Variants in OSMR observed in about 807,000 individuals in gnomAD.
The protein encoded by OSMR is oncostatin M receptor, also known as oncostatin-M-specific receptor subunit beta.
In OSMR, 81 loss-of-function variants were observed where a neutral mutation model predicts 99.9. The ratio of observed to expected loss-of-function variants is 0.81; its 90% CI spans 0.68 to 0.97. The LOEUF (loss-of-function observed/expected upper bound fraction) is 0.97. Among genes scored for constraint, OSMR ranks in the 50% least tolerant of loss-of-function variants. The pLI, the probability that OSMR is intolerant of heterozygous loss-of-function variation, is 0.00. For missense variants in OSMR, 1,099 were observed against 1,153.4 expected, an observed-to-expected ratio of 0.95 and a Z score of 0.68; for synonymous variants, 406 against 410.4, an observed-to-expected ratio of 0.99 and a Z score of 0.13.
At chr5:38,910,915 CAGG>C (rs909083379) in intron 9 of OSMR, among the ~76,000 whole-genome samples, 3 of 152,130 alleles carry the variant, frequency 2.0e-5, no homozygotes, top group African/African-American at 4.8e-5. Context: ...GAGGCTGAGG[CAGG>C]AGAATTGCTG....
At chr5:38,916,262 A>T (rs1745892184) in intron 9 of OSMR, among the ~76,000 whole-genome samples, 1 of 152,086 alleles carries the variant, frequency 6.6e-6, no homozygotes, top group African/African-American at 2.4e-5. Context: ...CATTGCTGAG[A>T]TTTTTTTTAA....
chr5:38,876,191 A>T lies in OSMR; in HGVS notation c.74-10A>T. The T allele has an allele frequency of 6.2e-7, 1 of 1,608,702 alleles. No homozygotes were observed. The highest frequency in any genetic ancestry group is 8.5e-7 in the Non-Finnish European group (1 of 1,175,288). ...AAATATTATTTCATACTTCATTTTG[A>T]TCTTTTCAGTCTTGGCTGAACGTTT... On this transcript the variant is annotated splice_polypyrimidine_tract_variant and intron_variant, in intron 2 of 17. Transcript: ENST00000274276.
intron 1 of OSMR, among the ~76,000 whole-genome samples, chr5:38,849,477 T>C (rs1740184403): frequency 6.6e-6 from 1 of 151,140 alleles, no homozygotes; most frequent in Non-Finnish European, 1.5e-5. Context: ...TGTTTGTTTT[T>C]CCCTAAACCA....
chr5:38,933,379 C>T lies in OSMR; in HGVS notation c.2875C>T (p.Pro959Ser). Reference protein sequence around the residue: ...MAVSLRLALPPPTENSSLSSI... With the variant: ...MAVSLRLALPSPTENSSLSSI... Reference sequence around the variant, plus strand: ...AGTCTCCCTGCGTCTTGCCTTGCCTCCCCCGACCGAGAATAGCAGCCTCTC... The same window carrying T: ...AGTCTCCCTGCGTCTTGCCTTGCCTTCCCCGACCGAGAATAGCAGCCTCTC... Residue 959 changes from proline (P) to serine (S), a missense_variant, in exon 18 of 18, where the codon CCC becomes TCC. Physicochemically the swap from Pro to Ser is moderately conservative, Grantham distance 74. Coordinates refer to ENST00000274276, the MANE Select transcript of OSMR (RefSeq NM_003999.3). 6.2e-7 allele frequency: 1 copy of T among 1,613,998 alleles called. No homozygotes were observed. Among genetic ancestry groups the T allele is most frequent in the Non-Finnish European group, 8.5e-7 (1 of 1,179,884 alleles).
intron 3 of OSMR, among the ~76,000 whole-genome samples, chr5:38,879,547 C>A (rs1372992147): frequency 6.6e-6 from 1 of 151,640 alleles, no homozygotes; most frequent in African/African-American, 2.4e-5. Flanking sequence ...GACTTGTTGG[C>A]ATTAGAGCGA....
intron 11 of OSMR, chr5:38,919,464 AGT>A: frequency 1.4e-6 from 1 of 720,788 alleles, no homozygotes; most frequent in Non-Finnish European, 2.0e-6. Context: ...ACCTGGAAAG[AGT>A]CCATGAACAT....
intron 1 of OSMR, among the ~76,000 whole-genome samples, chr5:38,861,601 G>T (rs1741321444): frequency 1.3e-5 from 2 of 152,274 alleles, no homozygotes; most frequent in East Asian, 3.9e-4. Context: ...AACCGCCATT[G>T]TCATCCCGGC....
Position 38,857,334 on chromosome 5 carries a change from A to G in OSMR, c.-14+10947A>G, listed in dbSNP as rs371787025. On this transcript the variant is annotated intron_variant, in intron 1 of 17. Transcript: ENST00000274276. ...ATGATATGAATGTGAAGAGGATGAT[A>G]TACTAAGCCCACAGAATATAAGGGA... 4.1e-4 allele frequency among the ~76,000 whole-genome samples: 62 copies of G among 152,334 alleles called. 2 individuals carry two copies. The South Asian group carries it at 0.013, about 31-fold the overall frequency.
chr5:38,871,970 G>T (rs904914176), intron 2 of OSMR, among the ~76,000 whole-genome samples: 4 of 152,096 alleles, frequency 2.6e-5, no homozygotes, highest in Admixed American at 2.0e-4. Context: ...TTAAGTCCTG[G>T]TCTGATTCCC....
chr5:38,853,098 T>C (rs1483515878), intron 1 of OSMR, among the ~76,000 whole-genome samples: 1 of 152,226 alleles, frequency 6.6e-6, no homozygotes, highest in African/African-American at 2.4e-5. Flanking sequence ...TCTTTATCAT[T>C]CTTCACCCTC....
At chr5:38,862,254 T>C (rs867452799) in intron 1 of OSMR, among the ~76,000 whole-genome samples, 25 of 71,908 alleles carry the variant, frequency 3.5e-4, no homozygotes, top group Admixed American at 5.2e-4. Context: ...GCTGACCCCC[T>C]ACCTCCCTCC....
At position 38,861,948 on chromosome 5, in the gene OSMR, C is replaced by T. The variant is rs1313019592; in HGVS notation, c.-13-7084C>T. ...CTGACCCCCCCACCTCCCACCCGGA[C>T]GGGGTGGCTGGCCGGGCGGGGGACT... On this transcript the variant is annotated intron_variant, in intron 1 of 17. Coordinates refer to ENST00000274276, the MANE Select transcript of OSMR (RefSeq NM_003999.3). 2.0e-3 allele frequency among the ~76,000 whole-genome samples: 258 copies of T among 131,870 alleles called. 3 individuals are homozygous for T. Among genetic ancestry groups the T allele is most frequent in the East Asian group, 2.3e-3 (7 of 2,984 alleles). The allele number at this position is 131,870 out of a possible 152,430, so 86.5% of individuals were successfully genotyped here.
intron 1 of OSMR, among the ~76,000 whole-genome samples, chr5:38,862,565 G>GGAT: frequency 6.6e-6 from 1 of 151,090 alleles, no homozygotes; most frequent in Non-Finnish European, 1.5e-5. Flanking sequence ...TTCTCAGACG[G>GGAT]GGCGGCCGGG....
chr5:38,850,959 T>C (rs1296864864), intron 1 of OSMR, among the ~76,000 whole-genome samples: 4 of 151,940 alleles, frequency 2.6e-5, no homozygotes, highest in Non-Finnish European at 4.4e-5. Context: ...ATCATTAAAG[T>C]ATCTACACTC....
At chr5:38,900,498 T>C (rs941223268) in intron 7 of OSMR, among the ~76,000 whole-genome samples, 1 of 152,192 alleles carries the variant, frequency 6.6e-6, no homozygotes, top group African/African-American at 2.4e-5. Context: ...GCCATCTTAG[T>C]CTTGCTTCTG....
At chr5:38,940,138 AAAAAC>A (rs1425745309), downstream of OSMR, 7 of 207,038 alleles carry the variant, frequency 3.4e-5, no homozygotes, top group African/African-American at 1.7e-4. Flanking sequence ...AGTAAAAAAA[AAAAAC>A]AAAAAAAAAA....
At chr5:38,882,606 G>A (rs1320262538) in intron 4 of OSMR, among the ~76,000 whole-genome samples, 1 of 151,854 alleles carries the variant, frequency 6.6e-6, no homozygotes, top group Non-Finnish European at 1.5e-5. Flanking sequence ...AACAGATGGT[G>A]GACTCAAATT....
chr5:38,855,586 CTCTA>C (rs1236438127), intron 1 of OSMR, among the ~76,000 whole-genome samples: 3 of 152,240 alleles, frequency 2.0e-5, no homozygotes, highest in African/African-American at 7.2e-5. Context: ...GTCCTGTCAG[CTCTA>C]TCTTTTAAAT....
At chr5:38,937,578 G>A (rs1235631904), downstream of OSMR, among the ~76,000 whole-genome samples, 1 of 152,160 alleles carries the variant, frequency 6.6e-6, no homozygotes, top group Non-Finnish European at 1.5e-5. This position sits in a 1 kb window ranked among gnomAD's most constrained non-coding sequence, Gnocchi z 4.0. Context: ...GGCAGTTTAT[G>A]TGTGAGAAAT....
Sources: gnomAD v4.1 joint callset for allele counts (sites outside exome capture counted in the v4.1 genomes callset) on GRCh38, gnomAD v4.1.1 for gene constraint, Gnocchi (gnomAD v3.1) non-coding constraint, MANE v1.5 for transcripts, NCBI Gene and HGNC (gene_info 2026-07-23, HGNC 2026-07-21) for gene names.